The following GEMIN2 variants were observed in gnomAD, a reference collection of about 807,000 sequenced individuals.
The protein encoded by GEMIN2 is gem nuclear organelle associated protein 2.
In GEMIN2, 37 loss-of-function variants were observed where a neutral mutation model predicts 45.8. That is an observed-to-expected ratio of 0.81 (90% CI 0.62 to 1.06). The LOEUF (loss-of-function observed/expected upper bound fraction) is 1.06. GEMIN2 is among the 50% of genes least tolerant of loss of function. The pLI, the probability that GEMIN2 is intolerant of heterozygous loss-of-function variation, is 0.00. For synonymous variants in GEMIN2, 101 were observed against 111.5 expected, an observed-to-expected ratio of 0.91 and a Z score of 0.60; for missense variants, 335 against 321.8, an observed-to-expected ratio of 1.04 and a Z score of -0.31.
At chr14:39,114,658 G>C (rs953959518) in intron 1 of GEMIN2, among the ~76,000 whole-genome samples, 171 bp from the exon 2 acceptor site, 4 of 152,224 alleles carry the variant, frequency 2.6e-5, no homozygotes, top group African/African-American at 9.6e-5. Flanking sequence ...TGTGCTCTTA[G>C]ATTTGTTTTC....
chr14:39,115,842 C>T (rs1438245766), intron 2 of GEMIN2, among the ~76,000 whole-genome samples: 2 of 152,026 alleles, frequency 1.3e-5, no homozygotes, highest in Non-Finnish European at 2.9e-5. Context: ...TAGGTTGTGC[C>T]GGGCATTGGG....
intron 6 of GEMIN2, among the ~76,000 whole-genome samples, chr14:39,126,184 C>CTT (rs869202062): frequency 2.2e-5 from 3 of 136,750 alleles, no homozygotes; most frequent in Admixed American, 7.4e-5. Context: ...CTTTGGAAGC[C>CTT]TTTTTTTTTT....
chr14:39,130,014 C>CA (rs1171771677), intron 7 of GEMIN2, among the ~76,000 whole-genome samples: 1 of 142,126 alleles, frequency 7.0e-6, no homozygotes, highest in Non-Finnish European at 1.5e-5. Flanking sequence ...CATCTCGGCT[C>CA]ACTGCAACCT....
At chr14:39,131,063 T>C (rs1472866522) in intron 7 of GEMIN2, among the ~76,000 whole-genome samples, 2 of 151,630 alleles carry the variant, frequency 1.3e-5, no homozygotes, top group Non-Finnish European at 2.9e-5. Flanking sequence ...TTTGGGAGGC[T>C]AAGGCAGGCA....
intron 6 of GEMIN2, among the ~76,000 whole-genome samples, chr14:39,127,937 G>A (rs1339552056): frequency 2.6e-5 from 4 of 151,922 alleles, no homozygotes; most frequent in Non-Finnish European, 4.4e-5. Context: ...ACGTGGTGGT[G>A]CACGCATGTA....
rs773643092 is a variant in GEMIN2 at position 39,128,325 on chromosome 14, G to A, written c.577G>A (p.Glu193Lys). The A allele has an allele frequency of 2.5e-6, 4 of 1,577,558 alleles. No homozygotes were observed. Among genetic ancestry groups the A allele is most frequent in the Non-Finnish European group, 3.5e-6 (4 of 1,153,752 alleles). ...GGAATATCTGAGTAATTGGTTTGGAGAAAGAGACTTTACTCCAGAATTGGT... is the reference window on the plus strand; with the variant it reads ...GGAATATCTGAGTAATTGGTTTGGAAAAAGAGACTTTACTCCAGAATTGGT... ...VLEYLSNWFG[E>K]RDFTPELGRW... The change falls in exon 7 of 10, where the codon GAA becomes AAA. Residue 193 changes from glutamate (E) to lysine (K), a missense_variant. Physicochemically the swap from Glu to Lys is moderately conservative, Grantham distance 56. Transcript: ENST00000308317.
chr14:39,114,854 G>C lies in GEMIN2; in HGVS notation c.163G>C (p.Val55Leu), dbSNP rs772682237. ...GATCGAAGCAGCTCAATGTCCAGATGTTGTGGTAGCTCAAATTGACCCAAA... is the reference window on the plus strand; with the variant it reads ...GATCGAAGCAGCTCAATGTCCAGATCTTGTGGTAGCTCAAATTGACCCAAA... The part of the protein sequence containing the change: ...VQIEAAQCPD[V>L]VVAQIDPKKL... Residue 55 changes from valine to leucine, a missense_variant, in exon 2 of 10, where the codon GTT (valine) becomes CTT (leucine). Transcript: ENST00000308317. The C allele has an allele frequency of 2.5e-6, 4 of 1,573,246 alleles. No homozygotes were observed. Among genetic ancestry groups the C allele is most frequent in the Non-Finnish European group, 8.8e-7 (1 of 1,142,690 alleles).
intron 8 of GEMIN2, among the ~76,000 whole-genome samples, chr14:39,133,000 GTATATATA>G (rs1158627144): frequency 0.042 from 2,521 of 60,086 alleles, 81 homozygotes; most frequent in African/African-American, 0.11. Context: ...GTGTGTGTGT[GTATATATA>G]TGTGTGTGTG....
At chr14:39,117,788 T>A (rs954609621) in intron 2 of GEMIN2, among the ~76,000 whole-genome samples, 1 of 152,000 alleles carries the variant, frequency 6.6e-6, no homozygotes, top group Admixed American at 6.6e-5. Context: ...CTGATTAAGG[T>A]GACTAAGGCT....
chr14:39,135,367 C>G (rs1187665220), intron 9 of GEMIN2, among the ~76,000 whole-genome samples: 1 of 152,048 alleles, frequency 6.6e-6, no homozygotes, highest in Non-Finnish European at 1.5e-5. Context: ...GGGTGGATCA[C>G]CTTAAGTCAG....
intron 4 of GEMIN2, among the ~76,000 whole-genome samples, chr14:39,121,118 A>G (rs1190202160): frequency 6.6e-6 from 1 of 152,076 alleles, no homozygotes; most frequent in Non-Finnish European, 1.5e-5. Context: ...CATGGGATAA[A>G]TATCCTTCAT....
chr14:39,122,177 G>A (rs982351772), intron 4 of GEMIN2, among the ~76,000 whole-genome samples: 10 of 151,964 alleles, frequency 6.6e-5, no homozygotes, highest in East Asian at 1.9e-4. Flanking sequence ...ATTGGATTAC[G>A]GCTCACCCTA....
intron 8 of GEMIN2, among the ~76,000 whole-genome samples, chr14:39,132,536 A>G (rs921789593): frequency 3.3e-5 from 5 of 152,080 alleles, no homozygotes; most frequent in African/African-American, 1.2e-4. Context: ...GTCTCAAAAA[A>G]GAAGTAGGTA....
At chr14:39,118,930 A>G (rs2052544800) in intron 4 of GEMIN2, among the ~76,000 whole-genome samples, 1 of 151,522 alleles carries the variant, frequency 6.6e-6, no homozygotes, top group Admixed American at 6.6e-5. Flanking sequence ...ATATACCACC[A>G]TGCCCAGCTA....
intron 4 of GEMIN2, among the ~76,000 whole-genome samples, chr14:39,121,510 C>T (rs914112956): frequency 3.3e-5 from 5 of 152,112 alleles, no homozygotes; most frequent in African/African-American, 7.2e-5. Flanking sequence ...CCAACTTGGG[C>T]GACAGAGCAA....
At chr14:39,118,432 C>T in intron 3 of GEMIN2, 108 bp from the exon 4 acceptor site, 3 of 684,556 alleles carry the variant, frequency 4.4e-6, no homozygotes. Context: ...CCCCCTCCCA[C>T]CTTTCCCATT....
At chr14:39,128,242 T>C (rs1435525430) in intron 6 of GEMIN2, 38 bp from the exon 7 acceptor site, 2 of 1,092,408 alleles carry the variant, frequency 1.8e-6, no homozygotes, top group Non-Finnish European at 2.7e-6. Flanking sequence ...GTTTTATTAT[T>C]AATACAACTC....
chr14:39,120,965 T>C (rs1325594465), intron 4 of GEMIN2, among the ~76,000 whole-genome samples: 4 of 152,232 alleles, frequency 2.6e-5, no homozygotes, highest in Non-Finnish European at 5.9e-5. Context: ...AAGGTTATTT[T>C]GTTAAGGAGG....
intron 6 of GEMIN2, among the ~76,000 whole-genome samples, chr14:39,126,620 G>C (rs1377303115): frequency 6.6e-6 from 1 of 152,148 alleles, no homozygotes; most frequent in Non-Finnish European, 1.5e-5. Flanking sequence ...AACTGTATTT[G>C]AATAAACCAG....
Sources: allele counts gnomAD v4.1 joint callset (sites outside exome capture counted in the v4.1 genomes callset), GRCh38; gene constraint gnomAD v4.1.1; transcripts MANE v1.5; gene names NCBI Gene and HGNC (gene_info 2026-07-23, HGNC 2026-07-21).